The following ENTREP2 variants were observed in gnomAD, a reference collection of about 807,000 sequenced individuals.
ENTREP2 encodes endosomal transmembrane epsin interactor 2.
chr15:29,237,633 G>C, the ENTREP2 span, among the ~76,000 whole-genome samples: 1 of 152,136 alleles, frequency 6.6e-6, no homozygotes, highest in Admixed American at 6.6e-5. Context: ...TACCCACTAG[G>C]ATGGCTTAAA....
chr15:29,434,656 T>C, the ENTREP2 span, among the ~76,000 whole-genome samples: 2 of 152,052 alleles, frequency 1.3e-5, no homozygotes, highest in Admixed American at 6.6e-5. Flanking sequence ...CATACATACA[T>C]AGAGCACACA....
the ENTREP2 span, among the ~76,000 whole-genome samples, chr15:29,408,971 T>A: frequency 6.6e-6 from 1 of 152,204 alleles, no homozygotes; most frequent in African/African-American, 2.4e-5. Context: ...CATTAACACA[T>A]CTAAAATATA....
chr15:29,144,267 A>C, the ENTREP2 span, among the ~76,000 whole-genome samples: 1 of 152,250 alleles, frequency 6.6e-6, no homozygotes, highest in Non-Finnish European at 1.5e-5. Flanking sequence ...AACCCATTTT[A>C]CTTTAACTTA....
At chr15:29,365,584 C>T in the ENTREP2 span, among the ~76,000 whole-genome samples, 1 of 152,066 alleles carries the variant, frequency 6.6e-6, no homozygotes, top group Admixed American at 6.5e-5. Context: ...ACCACAGTTA[C>T]ATATCCATTC....
At chr15:29,418,894 C>T in the ENTREP2 span, among the ~76,000 whole-genome samples, 90 of 152,328 alleles carry the variant, frequency 5.9e-4, no homozygotes, top group African/African-American at 2.0e-3. Context: ...GACTTGGGGT[C>T]CAAGCACATG....
At chr15:29,623,103 T>C in the ENTREP2 span, among the ~76,000 whole-genome samples, 4 of 152,200 alleles carry the variant, frequency 2.6e-5, no homozygotes, top group East Asian at 3.9e-4. Context: ...CAAAGAGTTA[T>C]GGGAGAAGGT....
chr15:29,464,046 G>A, the ENTREP2 span, among the ~76,000 whole-genome samples: 3 of 152,152 alleles, frequency 2.0e-5, no homozygotes, highest in South Asian at 2.1e-4. Context: ...GGGTTCCAGG[G>A]GCCGGGGAGA....
chr15:29,644,373 G>A, the ENTREP2 span, among the ~76,000 whole-genome samples: 1 of 152,096 alleles, frequency 6.6e-6, no homozygotes, highest in South Asian at 2.1e-4. Context: ...TATACTAAAG[G>A]CCATTTAATT....
the ENTREP2 span, among the ~76,000 whole-genome samples, chr15:29,622,254 TG>T: frequency 6.6e-6 from 1 of 152,146 alleles, no homozygotes; most frequent in Non-Finnish European, 1.5e-5. Flanking sequence ...TTGCCCAGGC[TG>T]GGGGCAATGG....
At chr15:29,123,477 G>A in the ENTREP2 span, 2 of 1,551,554 alleles carry the variant, frequency 1.3e-6, no homozygotes, top group Non-Finnish European at 1.7e-6. Context: ...CCAAAAACTT[G>A]GCCACCAAAA....
the ENTREP2 span, among the ~76,000 whole-genome samples, chr15:29,435,005 A>G: frequency 6.6e-6 from 1 of 152,048 alleles, no homozygotes; most frequent in African/African-American, 2.4e-5. Context: ...ACCCAGTGAG[A>G]CTTGTTTCCT....
chr15:29,511,640 A>G, the ENTREP2 span, among the ~76,000 whole-genome samples: 1 of 151,594 alleles, frequency 6.6e-6, no homozygotes, highest in African/African-American at 2.4e-5. Flanking sequence ...AGTGTCAGAG[A>G]TTTGTCAAAG....
the ENTREP2 span, among the ~76,000 whole-genome samples, chr15:29,227,346 C>T: frequency 1.2e-4 from 18 of 152,184 alleles, no homozygotes; most frequent in African/African-American, 4.1e-4. Flanking sequence ...ATCTGAAACA[C>T]GTTTTTGAGC....
the ENTREP2 span, among the ~76,000 whole-genome samples, chr15:29,466,282 T>C: frequency 6.6e-6 from 1 of 152,202 alleles, no homozygotes; most frequent in Non-Finnish European, 1.5e-5. Flanking sequence ...CTGCTTTATG[T>C]TTCTGTCATG....
the ENTREP2 span, among the ~76,000 whole-genome samples, chr15:29,309,694 CAGG>C: frequency 6.6e-6 from 1 of 150,798 alleles, no homozygotes; most frequent in African/African-American, 2.5e-5. Flanking sequence ...GAGGCTGATG[CAGG>C]AGAATTACTC....
At chr15:29,414,669 T>A in the ENTREP2 span, among the ~76,000 whole-genome samples, 1 of 151,874 alleles carries the variant, frequency 6.6e-6, no homozygotes, top group East Asian at 1.9e-4. Context: ...CTGAAGGAGA[T>A]AGAGACACAA....
At chr15:29,441,361 T>C in the ENTREP2 span, among the ~76,000 whole-genome samples, 1 of 152,126 alleles carries the variant, frequency 6.6e-6, no homozygotes, top group Non-Finnish European at 1.5e-5. Context: ...GAGTTTCAGT[T>C]GGGGAAGATG....
chr15:29,181,107 A>AT, the ENTREP2 span, among the ~76,000 whole-genome samples: 3 of 152,168 alleles, frequency 2.0e-5, no homozygotes, highest in Admixed American at 2.0e-4. Flanking sequence ...TAAAATATTA[A>AT]AAATTAAAAA....
At chr15:29,259,051 T>C in the ENTREP2 span, among the ~76,000 whole-genome samples, 7 of 152,208 alleles carry the variant, frequency 4.6e-5, no homozygotes, top group Non-Finnish European at 7.3e-5. Context: ...GGCTGAACAC[T>C]TGTAGCATCC....
Sources: gnomAD v4.1 joint callset for allele counts (sites outside exome capture counted in the v4.1 genomes callset) on GRCh38, gnomAD v4.1.1 for gene constraint, MANE v1.5 for transcripts, NCBI Gene and HGNC (gene_info 2026-07-23, HGNC 2026-07-21) for gene names.